P4HB: variants seen among roughly 807,000 people sequenced by gnomAD.
The protein encoded by P4HB is prolyl 4-hydroxylase subunit beta.
In P4HB, 20 loss-of-function variants were observed where a neutral mutation model predicts 52.6. The observed-to-expected ratio is 0.38, with a 90% CI of 0.27 to 0.55. P4HB has a LOEUF of 0.55. Ranked by LOEUF, P4HB falls within the 20% of genes least tolerant of loss-of-function variation. The probability of loss-of-function intolerance (pLI) is 0.74; values close to 1 mark genes in which losing one functional copy is unlikely to be tolerated. For missense variants in P4HB, 601 were observed against 669.2 expected (o/e 0.90, Z 1.12); for synonymous variants, 296 against 277.9 (o/e 1.07, Z -0.65).
rs1277756743 is a variant in P4HB, at chr17:81,843,911, C to T, written c.*101G>A. The T allele has an allele frequency of 2.1e-5, 18 of 851,922 alleles. No individual in the cohort carries two copies. Among genetic ancestry groups the T allele is most frequent in the South Asian group, 6.7e-5 (5 of 74,782 alleles). The allele number at this position is 851,922 out of a possible 1,614,324, so 52.8% of individuals were successfully genotyped here. On this transcript the variant is annotated 3_prime_UTR_variant, in exon 11 of 11. Transcript: ENST00000331483. ...GAGAGGTTCCCTGGGTTTCCGGCGA[C>T]GCCCTCCTTCAAGCGAGGCCGCAGG...
chr17:81,844,432 C>T (rs2038701682), intron 10 of P4HB, among the ~76,000 whole-genome samples: 1 of 152,212 alleles, frequency 6.6e-6, no homozygotes, highest in African/African-American at 2.4e-5. Flanking sequence ...GGGTCCACAT[C>T]TCGGCAGGGA....
At chr17:81,858,219 C>A (rs2038942425) in intron 2 of P4HB, among the ~76,000 whole-genome samples, 1 of 123,654 alleles carries the variant, frequency 8.1e-6, no homozygotes, top group South Asian at 2.4e-4. Flanking sequence ...TTGCAGTGAG[C>A]AGAGATCGCA....
chr17:81,857,177 C>T (rs1316853274), intron 2 of P4HB, among the ~76,000 whole-genome samples: 1 of 152,136 alleles, frequency 6.6e-6, no homozygotes, highest in Admixed American at 6.5e-5. Flanking sequence ...GAAACGAAGT[C>T]TCACTCTGTC....
intron 5 of P4HB, 31 bp downstream of exon 5, chr17:81,847,212 C>T (rs767278645): frequency 6.2e-7 from 1 of 1,608,532 alleles, no homozygotes; most frequent in Non-Finnish European, 8.5e-7. Flanking sequence ...TCCTCCCCAT[C>T]CCCAGCCTGG....
intron 4 of P4HB, among the ~76,000 whole-genome samples, chr17:81,854,654 G>C (rs542963833): frequency 4.5e-4 from 69 of 152,012 alleles, no homozygotes; most frequent in African/African-American, 1.7e-3. Context: ...ATACCATCCT[G>C]GCCAAAATGG....
intron 4 of P4HB, among the ~76,000 whole-genome samples, chr17:81,848,955 A>G (rs2038783643): frequency 6.6e-6 from 1 of 151,546 alleles, no homozygotes; most frequent in Non-Finnish European, 1.5e-5. Flanking sequence ...CTGAGGCAGA[A>G]GAAACACTTG....
Position 81,844,921 on chromosome 17 carries a change from G to A in P4HB, c.1446+223C>T, listed in dbSNP as rs908135554. 1.0e-4 allele frequency among the ~76,000 whole-genome samples: 16 copies of A among 152,390 alleles called. 1 individual carries two copies. In the East Asian group the frequency reaches 2.1e-3, roughly 20 times the overall value. On this transcript the variant is annotated intron_variant, in intron 10 of 10. Coordinates refer to ENST00000331483, the MANE Select transcript of P4HB (RefSeq NM_000918.4). ...TCTGGTTTTTAAAGATGCCTTCAACGTCGTCCCCTAAAGAAGTGCTGGCCA... is the reference window on the plus strand; with the variant it reads ...TCTGGTTTTTAAAGATGCCTTCAACATCGTCCCCTAAAGAAGTGCTGGCCA...
In P4HB at chr17:81,855,232, G is replaced by A. The variant is rs769677175; in HGVS notation, c.534C>T (p.Ala178=). ...TGATCCCAAATGGTATGTCATCGAT[G>A]GCCTCTGCTGCCTGCAAAAACTGCT... is the stretch of plus-strand genomic sequence containing the variant. ...SAKQFLQAAE[A]IDDIPFGITS... is the part of the protein sequence containing the mutation. The change falls in exon 4 of 11, where the codon GCC becomes GCT. Residue 178 remains alanine (A), a synonymous_variant. Transcript: ENST00000331483. The surrounding 1 kb of genome is among the most constrained non-coding windows in gnomAD (Gnocchi z 4.3). The A allele has an allele frequency of 2.5e-6, 4 of 1,613,900 alleles. No homozygotes were observed. The highest frequency in any genetic ancestry group is 2.2e-5 in the East Asian group (1 of 44,884).
At chr17:81,852,766 A>G (rs876017) in intron 4 of P4HB, among the ~76,000 whole-genome samples, 35,162 of 152,228 alleles carry the variant, frequency 0.23, 4,340 homozygotes, top group Admixed American at 0.3. Context: ...CCACCCTCCC[A>G]GCCTTCGCGG....
At chr17:81,858,853 G>T in intron 2 of P4HB, 1 of 295,084 alleles carries the variant, frequency 3.4e-6, no homozygotes. Flanking sequence ...GCTGCTCCTA[G>T]GAACAGGGGG....
At chr17:81,847,688 ATT>A (rs1314518101) in intron 4 of P4HB, 1 of 314,950 alleles carries the variant, frequency 3.2e-6, no homozygotes, top group East Asian at 6.6e-5. Flanking sequence ...TTTCTTTTTT[ATT>A]TGTTTTTGAG....
In P4HB at chr17:81,847,067, G is replaced by A. The variant is rs1243965498; in HGVS notation, c.735C>T (p.Ala245=). The change falls in exon 6 of 11, where the codon GCC becomes GCT. Residue 245 remains alanine, a synonymous_variant. Transcript: ENST00000331483. ...PLVIEFTEQT[A]PKIFGGEIKT... is the part of the protein sequence containing the mutation. ...TGATTTCACCTCCAAAAATCTTCGGGGCTGTCTGTGTTATAAACTTAAGTT... is the reference window on the plus strand; with the variant it reads ...TGATTTCACCTCCAAAAATCTTCGGAGCTGTCTGTGTTATAAACTTAAGTT... 24 of 1,613,858 alleles carry A rather than the reference G, an allele frequency of 1.5e-5. No homozygotes were observed. In the Admixed American group the frequency reaches 4.0e-4, roughly 27 times the overall value.
At chr17:81,845,095 C>T in intron 10 of P4HB, 49 bp downstream of exon 10, 1 of 1,415,144 alleles carries the variant, frequency 7.1e-7, no homozygotes, top group South Asian at 1.2e-5. Flanking sequence ...TCCCGTGGGG[C>T]CAAGGGGCTG....
chr17:81,846,503 T>C lies in P4HB; in HGVS notation c.982A>G (p.Lys328Glu). ...ITLEEEMTKY[K>E]PESEELTAER... ...GCCGTCAGCTCCTCCGATTCGGGCTTGTACTTGGTCATCTCCTCCTCCAGG... is the reference window on the plus strand; with the variant it reads ...GCCGTCAGCTCCTCCGATTCGGGCTCGTACTTGGTCATCTCCTCCTCCAGG... The change falls in exon 7 of 11, where the codon AAG becomes GAG. Residue 328 changes from lysine (K) to glutamate (E), a missense_variant. Transcript: ENST00000331483. The surrounding 1 kb of genome is among the most constrained non-coding windows in gnomAD (Gnocchi z 5.7). The C allele has an allele frequency of 1.2e-6, 2 of 1,613,956 alleles. No individual in the cohort carries two copies. The highest frequency in any genetic ancestry group is 1.7e-6 in the Non-Finnish European group (2 of 1,180,022).
In P4HB at chr17:81,855,531, A is replaced by G. The variant is rs766878810; in HGVS notation, c.408T>C (p.Ala136=). 9 of 1,613,880 alleles carry G rather than the reference A, an allele frequency of 5.6e-6. No homozygotes were observed. The highest frequency in any genetic ancestry group is 6.8e-6 in the Non-Finnish European group (8 of 1,180,030). The change falls in exon 3 of 11, where the codon GCT becomes GCC. Residue 136 remains alanine (A), a synonymous_variant. Transcript: ENST00000331483. The surrounding 1 kb of genome is among the most constrained non-coding windows in gnomAD (Gnocchi z 4.3). ...VNWLKKRTGP[A]ATTLPDGAAA... is the part of the protein sequence containing the mutation. Reference sequence around the variant, plus strand: ...CTGCGCCGTCAGGCAGGGTGGTGGCAGCCGGGCCCGTGCGCTTCTTCAGCC... The same window carrying G: ...CTGCGCCGTCAGGCAGGGTGGTGGCGGCCGGGCCCGTGCGCTTCTTCAGCC...
intron 4 of P4HB, among the ~76,000 whole-genome samples, chr17:81,850,593 C>A (rs2038814787): frequency 6.6e-6 from 1 of 152,074 alleles, no homozygotes; most frequent in African/African-American, 2.4e-5. Flanking sequence ...AAGTAATTCT[C>A]CTGCCTCAGC....
chr17:81,846,372 AC>A lies in P4HB; in HGVS notation c.1056+56del, dbSNP rs1434215618. Reference sequence around the variant, plus strand: ...AGCCCAGGACACTGAGAGCCCAGAGACCCCAAGGTGGCGGCTCTACCCGGGA... The same window carrying A: ...AGCCCAGGACACTGAGAGCCCAGAGACCCAAGGTGGCGGCTCTACCCGGGA... On this transcript the variant is annotated intron_variant, in intron 7 of 10. Transcript: ENST00000331483. This position sits in a 1 kb window ranked among gnomAD's most constrained non-coding sequence, Gnocchi z 5.7. The A allele has an allele frequency of 1.3e-6, 2 of 1,484,020 alleles. No individual in the cohort carries two copies. The highest frequency in any genetic ancestry group is 1.9e-6 in the Non-Finnish European group (2 of 1,065,344). The allele number at this position is 1,484,020 out of a possible 1,614,324, so 91.9% of individuals were successfully genotyped here.
In P4HB at chr17:81,860,429, C is replaced by G; in HGVS notation, c.43G>C (p.Val15Leu). The change falls in exon 1 of 11, where the codon GTG (valine) becomes CTG (leucine). Residue 15 changes from valine (V) to leucine (L), a missense_variant. Transcript: ENST00000331483. ...ALLCLAVAAL[V>L]RADAPEEEDH... ...TCCTCCTCGGGGGCGTCGGCGCGCA[C>G]CAGGGCGGCCACGGCCAGGCACAGC... 7.1e-7 allele frequency: 1 copy of G among 1,416,286 alleles called. No homozygotes were observed. The highest frequency in any genetic ancestry group is 9.3e-7 in the Non-Finnish European group (1 of 1,080,818). The allele number at this position is 1,416,286 out of a possible 1,614,324, so 87.7% of individuals were successfully genotyped here. A position where few individuals can be genotyped will look rare whatever the true frequency, so the allele number is the denominator to read the frequency against.
Position 81,846,682 on chromosome 17 carries a change from C to G in P4HB, c.856-53G>C. On this transcript the variant is annotated intron_variant, in intron 6 of 10. Coordinates refer to ENST00000331483, the MANE Select transcript of P4HB (RefSeq NM_000918.4). The surrounding 1 kb of genome is among the most constrained non-coding windows in gnomAD (Gnocchi z 5.7). Reference sequence around the variant, plus strand: ...TGCGGGAGACGGCTGGCCTCTGCCTCCAGCCCTGACTTTGCTCGGAAGCAG... The same window carrying G: ...TGCGGGAGACGGCTGGCCTCTGCCTGCAGCCCTGACTTTGCTCGGAAGCAG... 6 of 1,545,942 alleles carry G rather than the reference C, an allele frequency of 3.9e-6. No individual in the cohort carries two copies. Among genetic ancestry groups the G allele is most frequent in the Non-Finnish European group, 5.3e-6 (6 of 1,125,658 alleles).
Sources: gnomAD v4.1 joint callset for allele counts (sites outside exome capture counted in the v4.1 genomes callset) on GRCh38, gnomAD v4.1.1 for gene constraint, Gnocchi (gnomAD v3.1) non-coding constraint, MANE v1.5 for transcripts, NCBI Gene and HGNC (gene_info 2026-07-23, HGNC 2026-07-21) for gene names.